Variants in CFHR3 observed in about 807,000 individuals in gnomAD.
The protein encoded by CFHR3 is complement factor H related 3, also known as complement factor H-related protein 3.
Under a neutral mutation model 36.0 loss-of-function variants are expected in CFHR3, and 22 were observed. That is an observed-to-expected ratio of 0.61 (90% confidence interval 0.44 to 0.87). The LOEUF is 0.87. Among genes scored for constraint, CFHR3 ranks in the 40% least tolerant of loss-of-function variants. CFHR3 has a pLI of 0.00. For synonymous variants in CFHR3, 97 were observed against 137.4 expected (o/e 0.71, Z 2.06); for missense variants, 276 against 401.3 (o/e 0.69, Z 2.67).
chr1:196,793,251 A>G, intron 5 of CFHR3, 66 bp from the exon 6 acceptor site: 1 of 1,328,916 alleles, frequency 7.5e-7, no homozygotes, highest in Non-Finnish European at 1.0e-6. Flanking sequence ...ACTACTCATT[A>G]GGATGCATTT....
In CFHR3 at chr1:196,787,271, T is replaced by C. The variant is rs796124697; in HGVS notation, c.431-945T>C. Among the ~76,000 whole-genome samples the C allele has an allele frequency of 1.5e-3, 205 of 137,370 alleles. 50 individuals carry two copies. The highest frequency in any genetic ancestry group is 6.0e-3 in the African/African-American group (198 of 33,028). The allele number at this position is 137,370 out of a possible 152,430, so 90.1% of individuals were successfully genotyped here. A position where few individuals can be genotyped will look rare whatever the true frequency, so the allele number is the denominator to read the frequency against. ...TTAATCCACCTAATAAATATTGTTG[T>C]GTGTCAAGCACTTTGTAGGTATTGA... On this transcript the variant is annotated intron_variant, in intron 3 of 5. Transcript: ENST00000367425.
intron 1 of CFHR3, among the ~76,000 whole-genome samples, chr1:196,777,389 T>C (rs376515): frequency 0.28 from 38,387 of 135,448 alleles, 10,951 homozygotes; most frequent in East Asian, 0.51. Flanking sequence ...GCCTCTAAAT[T>C]CCTTTTAAAC....
chr1:196,784,463 C>T (rs566223412), intron 3 of CFHR3, among the ~76,000 whole-genome samples: 1 of 135,516 alleles, frequency 7.4e-6, no homozygotes, highest in East Asian at 2.0e-4. Context: ...TCACTCCAGA[C>T]TTGCTTTATG....
At chr1:196,782,624 G>T (rs1654003902) in intron 3 of CFHR3, among the ~76,000 whole-genome samples, 1 of 136,766 alleles carries the variant, frequency 7.3e-6, no homozygotes, top group African/African-American at 3.1e-5. Context: ...TGGTGTATAA[G>T]AATGCTTGTG....
intron 3 of CFHR3, among the ~76,000 whole-genome samples, chr1:196,785,810 G>A (rs1415584192): frequency 7.3e-6 from 1 of 137,312 alleles, no homozygotes; most frequent in Non-Finnish European, 1.5e-5. Context: ...ACTCGTCAAA[G>A]TCATTCTCCG....
rs1188411268 is a variant in CFHR3, at chr1:196,780,296, A to G, written c.430+323A>G. ...ACCCGAGGTTCGTCATCTTGCACCA[A>G]GAAGATTAAGTACAAATGGGTATTC... is the stretch of plus-strand genomic sequence containing the variant. On this transcript the variant is annotated intron_variant, in intron 3 of 5. Coordinates refer to ENST00000367425, the MANE Select transcript of CFHR3 (RefSeq NM_021023.6). Among the ~76,000 whole-genome samples the G allele has an allele frequency of 1.5e-5, 2 of 137,460 alleles. 1 individual carries two copies. The highest frequency in any genetic ancestry group is 3.1e-5 in the Non-Finnish European group (2 of 64,664). 90.2% of individuals were successfully genotyped at this position (137,460 alleles called of 152,430 possible). A position where few individuals can be genotyped will look rare whatever the true frequency, so the allele number is the denominator to read the frequency against.
intron 3 of CFHR3, among the ~76,000 whole-genome samples, chr1:196,783,014 C>A (rs566592123): frequency 7.3e-6 from 1 of 136,252 alleles, no homozygotes; most frequent in South Asian, 2.6e-4. Flanking sequence ...TAGCATGAAG[C>A]GTTGTTGAAT....
Position 196,795,168 on chromosome 1 carries a change from G to A in CFHR3, c.*1655G>A, listed in dbSNP as rs867691183. 1 of 136,870 alleles carries A rather than the reference G, an allele frequency of 7.3e-6. No individual in the cohort carries two copies. The allele number at this position is 136,870 out of a possible 1,614,324, so 8.5% of individuals were successfully genotyped here. Reference sequence around the variant, plus strand: ...AATTATATAATCACCATGCATCAAAGGTAGGGCCAGGTGGAGATAATGGAA... The same window carrying A: ...AATTATATAATCACCATGCATCAAAAGTAGGGCCAGGTGGAGATAATGGAA... On this transcript the variant is annotated 3_prime_UTR_variant, in exon 6 of 6. Coordinates refer to ENST00000367425, the MANE Select transcript of CFHR3 (RefSeq NM_021023.6).
At chr1:196,786,023 C>T (rs566159) in intron 3 of CFHR3, among the ~76,000 whole-genome samples, 37,540 of 134,582 alleles carry the variant, frequency 0.28, 10,543 homozygotes, top group East Asian at 0.5. Context: ...TTCTAACAGA[C>T]AGGACCCTCA....
rs186862006 is a variant in CFHR3 at position 196,775,201 on chromosome 1, T to A, written c.58+257T>A. ...TGTAAAAGGCATTTAATATTGATTA[T>A]GGAGATATGTGAATATACTCATGAA... On this transcript the variant is annotated intron_variant, in intron 1 of 5. Transcript: ENST00000367425. Among the ~76,000 whole-genome samples, 2 of 137,058 alleles carry A rather than the reference T, an allele frequency of 1.5e-5. 1 individual carries two copies. The allele number at this position is 137,058 out of a possible 152,430, so 89.9% of individuals were successfully genotyped here. A position where few individuals can be genotyped will look rare whatever the true frequency, so the allele number is the denominator to read the frequency against.
At chr1:196,778,150 ACT>A (rs1653808084) in intron 1 of CFHR3, among the ~76,000 whole-genome samples, 1 of 135,412 alleles carries the variant, frequency 7.4e-6, no homozygotes, top group Non-Finnish European at 1.6e-5. Flanking sequence ...TGGAGGAGAC[ACT>A]CAGCAGAAAA....
At chr1:196,778,470 T>C (rs1354168281) in intron 1 of CFHR3, among the ~76,000 whole-genome samples, 1 of 137,034 alleles carries the variant, frequency 7.3e-6, no homozygotes. Flanking sequence ...ATAAATTATA[T>C]GCTATTTAAA....
In CFHR3 at chr1:196,793,681, T is replaced by C. The variant is rs1219459636; in HGVS notation, c.*168T>C. On this transcript the variant is annotated 3_prime_UTR_variant, in exon 6 of 6. Transcript: ENST00000367425. The stretch of plus-strand genomic sequence containing the variant: ...TTGCAACTTAATATATTCTCAAAAA[T>C]ATATTAAAACAAACTAAATTATTGC... The C allele has an allele frequency of 1.5e-6, 1 of 646,080 alleles. No homozygotes were observed. Among genetic ancestry groups the C allele is most frequent in the Admixed American group, 3.1e-5 (1 of 32,328 alleles). The allele number at this position is 646,080 out of a possible 1,614,324, so 40.0% of individuals were successfully genotyped here. A position where few individuals can be genotyped will look rare whatever the true frequency, so the allele number is the denominator to read the frequency against.
In CFHR3 at chr1:196,788,495, G is replaced by A. The variant is rs550827961; in HGVS notation, c.613+97G>A. The A allele has an allele frequency of 2.1e-5, 30 of 1,455,124 alleles. 3 individuals carry two copies. The highest frequency in any genetic ancestry group is 2.5e-5 in the Non-Finnish European group (27 of 1,080,910). 90.1% of individuals were successfully genotyped at this position (1,455,124 alleles called of 1,614,324 possible). The stretch of plus-strand genomic sequence containing the variant: ...TTAAAAATATAGAAAACAATTTTAG[G>A]AGTAAAGAGATACAAATACTTCTAA... On this transcript the variant is annotated intron_variant, in intron 4 of 5. Coordinates refer to ENST00000367425, the MANE Select transcript of CFHR3 (RefSeq NM_021023.6).
At chr1:196,780,319 T>C (rs934351266) in intron 3 of CFHR3, among the ~76,000 whole-genome samples, 1 of 137,196 alleles carries the variant, frequency 7.3e-6, no homozygotes, top group Non-Finnish European at 1.5e-5. Context: ...CAAATGGGTA[T>C]TCTGGGATCT....
At chr1:196,782,762 G>C (rs1654010614) in intron 3 of CFHR3, among the ~76,000 whole-genome samples, 1 of 137,168 alleles carries the variant, frequency 7.3e-6, no homozygotes. Flanking sequence ...AGGACAATTT[G>C]ACTTCCTCTT....
At position 196,783,168 on chromosome 1, in the gene CFHR3, G is replaced by C. The variant is rs1654031911; in HGVS notation, c.430+3195G>C. 1.5e-5 allele frequency among the ~76,000 whole-genome samples: 2 copies of C among 136,022 alleles called. 1 individual carries two copies. Among genetic ancestry groups the C allele is most frequent in the African/African-American group, 6.2e-5 (2 of 32,290 alleles). The allele number at this position is 136,022 out of a possible 152,430, so 89.2% of individuals were successfully genotyped here. A position where few individuals can be genotyped will look rare whatever the true frequency, so the allele number is the denominator to read the frequency against. On this transcript the variant is annotated intron_variant, in intron 3 of 5. Transcript: ENST00000367425. ...GGGATGAAGACCACTTGATCATGGTGGATAAGCTTTTTGATGTGCTGTTGG... is the reference window on the plus strand; with the variant it reads ...GGGATGAAGACCACTTGATCATGGTCGATAAGCTTTTTGATGTGCTGTTGG...
In CFHR3 at chr1:196,793,819, C is replaced by A. The variant is rs402372; in HGVS notation, c.*306C>A. 1 of 211,128 alleles carries A rather than the reference C, an allele frequency of 4.7e-6. No individual in the cohort carries two copies. Among genetic ancestry groups the A allele is most frequent in the Non-Finnish European group, 8.9e-6 (1 of 111,732 alleles). The allele number at this position is 211,128 out of a possible 1,614,324, so 13.1% of individuals were successfully genotyped here. On this transcript the variant is annotated 3_prime_UTR_variant, in exon 6 of 6. Coordinates refer to ENST00000367425, the MANE Select transcript of CFHR3 (RefSeq NM_021023.6). ...GCTTTCTGCATATTGTATAGTATACCTAGACATAGAAACAAAATGACTTTA... is the reference window on the plus strand; with the variant it reads ...GCTTTCTGCATATTGTATAGTATACATAGACATAGAAACAAAATGACTTTA...
chr1:196,782,074 A>T lies in CFHR3; in HGVS notation c.430+2101A>T, dbSNP rs370254358. 3.7e-5 allele frequency among the ~76,000 whole-genome samples: 5 copies of T among 136,960 alleles called. 1 individual carries two copies. The highest frequency in any genetic ancestry group is 7.8e-5 in the Non-Finnish European group (5 of 64,462). The allele number at this position is 136,960 out of a possible 152,430, so 89.9% of individuals were successfully genotyped here. A position where few individuals can be genotyped will look rare whatever the true frequency, so the allele number is the denominator to read the frequency against. On this transcript the variant is annotated intron_variant, in intron 3 of 5. Coordinates refer to ENST00000367425, the MANE Select transcript of CFHR3 (RefSeq NM_021023.6). ...TTAAATAGGGAATCCTTTCCCCATT[A>T]CTTGTTTTTCTCAGGTTTGTCAAAG...
Sources: gnomAD v4.1 joint callset for allele counts (sites outside exome capture counted in the v4.1 genomes callset) on GRCh38, gnomAD v4.1.1 for gene constraint, MANE v1.5 for transcripts, NCBI Gene and HGNC (gene_info 2026-07-23, HGNC 2026-07-21) for gene names.